The following HPSE2 variants were observed in gnomAD, a reference collection of about 807,000 sequenced individuals.
The protein encoded by HPSE2 is heparanase 2 (inactive), also known as inactive heparanase-2.
HPSE2 carries 38 observed loss-of-function variants against 60.5 expected under a neutral mutation model. The ratio of observed to expected loss-of-function variants is 0.63; its 90% CI spans 0.48 to 0.82. HPSE2 has a LOEUF of 0.82. Ranked by LOEUF, HPSE2 falls within the 40% of genes least tolerant of loss-of-function variation. HPSE2 has a pLI of 0.00. For synonymous variants in HPSE2, 295 were observed against 293.2 expected (o/e 1.01, Z -0.06); for missense variants, 713 against 740.4 (o/e 0.96, Z 0.43).
At chr10:98,841,808 A>ATTTTTT (rs373906376) in intron 3 of HPSE2, among the ~76,000 whole-genome samples, 1 of 143,278 alleles carries the variant, frequency 7.0e-6, no homozygotes, top group Non-Finnish European at 1.5e-5. Context: ...ATTCCTTGTA[A>ATTTTTT]TTTTTTTTTT....
chr10:98,576,923 T>C (rs4919244), intron 9 of HPSE2, among the ~76,000 whole-genome samples: 130,645 of 151,978 alleles, frequency 0.86, 56,419 homozygotes, highest in East Asian at 0.96. Context: ...AAGCTTATCA[T>C]GGTGAGTGCA....
chr10:98,865,630 T>G (rs1952568861), intron 3 of HPSE2, among the ~76,000 whole-genome samples: 1 of 151,988 alleles, frequency 6.6e-6, no homozygotes, highest in Non-Finnish European at 1.5e-5. Context: ...ACTCTAGACA[T>G]CTCCAGAAAG....
chr10:99,097,154 A>G (rs1259784705), intron 3 of HPSE2, among the ~76,000 whole-genome samples: 1 of 152,162 alleles, frequency 6.6e-6, no homozygotes, highest in Non-Finnish European at 1.5e-5. Flanking sequence ...TCACTCTACA[A>G]ACATACTTGA....
chr10:99,003,152 G>A (rs1458340792), intron 3 of HPSE2, among the ~76,000 whole-genome samples: 2 of 151,856 alleles, frequency 1.3e-5, no homozygotes, highest in African/African-American at 2.4e-5. Context: ...TGTCCTCCAT[G>A]TTCATCCATG....
intron 3 of HPSE2, among the ~76,000 whole-genome samples, chr10:98,947,667 A>T (rs1032376127): frequency 5.3e-5 from 8 of 152,154 alleles, no homozygotes; most frequent in African/African-American, 1.9e-4. Context: ...GTAGGAAGAG[A>T]CAGGCTAACT....
intron 5 of HPSE2, among the ~76,000 whole-genome samples, chr10:98,700,983 G>A (rs1214767733): frequency 4.6e-5 from 3 of 65,016 alleles, no homozygotes; most frequent in Admixed American, 1.9e-4. Context: ...TAAAAAGTCC[G>A]GAAACAACAG....
chr10:99,070,774 C>T (rs1842762587), intron 3 of HPSE2, among the ~76,000 whole-genome samples: 1 of 152,190 alleles, frequency 6.6e-6, no homozygotes, highest in Admixed American at 6.5e-5. Flanking sequence ...CTTTCTGTGA[C>T]TGGTTTATTT....
At chr10:98,944,315 C>CCAG (rs1310052819) in intron 3 of HPSE2, among the ~76,000 whole-genome samples, 1 of 152,100 alleles carries the variant, frequency 6.6e-6, no homozygotes, top group Non-Finnish European at 1.5e-5. Flanking sequence ...ATTTAAAAGA[C>CCAG]CAGCATTTCT....
At chr10:99,250,110 T>A in the HPSE2 span, among the ~76,000 whole-genome samples, 2 of 146,734 alleles carry the variant, frequency 1.4e-5, no homozygotes, top group Admixed American at 6.9e-5. Context: ...GCCACTGCAC[T>A]CTAGCCTGGG....
chr10:99,296,253 A>T, the HPSE2 span, among the ~76,000 whole-genome samples: 1 of 152,160 alleles, frequency 6.6e-6, no homozygotes, highest in Non-Finnish European at 1.5e-5. Flanking sequence ...GCTGGATATG[A>T]GATAGGAGGT....
intron 3 of HPSE2, among the ~76,000 whole-genome samples, chr10:98,920,081 G>A (rs905250010): frequency 6.6e-6 from 1 of 152,158 alleles, no homozygotes; most frequent in African/African-American, 2.4e-5. Flanking sequence ...TCACTCTGAG[G>A]TCATGCTCCC....
intron 11 of HPSE2, among the ~76,000 whole-genome samples, chr10:98,481,099 C>T (rs948119417): frequency 6.6e-6 from 1 of 152,188 alleles, no homozygotes; most frequent in African/African-American, 2.4e-5. Context: ...TGACACTGGG[C>T]AGGCTCAGCT....
chr10:99,124,261 T>C (rs1005426612), intron 3 of HPSE2, among the ~76,000 whole-genome samples: 1 of 152,142 alleles, frequency 6.6e-6, no homozygotes, highest in Admixed American at 6.5e-5. Flanking sequence ...TGTGTACTGA[T>C]TTGGTCCATG....
intron 3 of HPSE2, among the ~76,000 whole-genome samples, chr10:98,895,963 C>A (rs36168635): frequency 2.0e-5 from 3 of 146,940 alleles, no homozygotes; most frequent in African/African-American, 7.4e-5. Context: ...GAGGGATAGC[C>A]TTAGGAGATA....
intron 9 of HPSE2, among the ~76,000 whole-genome samples, chr10:98,530,196 T>C (rs1943087373): frequency 6.6e-6 from 1 of 151,950 alleles, no homozygotes; most frequent in African/African-American, 2.4e-5. Context: ...TGAGGTGGGG[T>C]GGGGTTTGCG....
chr10:98,838,711 C>T (rs1276122397), intron 3 of HPSE2, among the ~76,000 whole-genome samples: 5 of 152,020 alleles, frequency 3.3e-5, no homozygotes, highest in Non-Finnish European at 7.4e-5. Context: ...GGATTACAGG[C>T]GTAAGCCACT....
At position 98,688,483 on chromosome 10, in the gene HPSE2, T is replaced by TTC. The variant is rs200369821; in HGVS notation, c.1004+5416_1004+5417insGA. 1.4e-3 allele frequency among the ~76,000 whole-genome samples: 189 copies of TTC among 138,182 alleles called. 6 individuals are homozygous for TTC. Among genetic ancestry groups the TTC allele is most frequent in the African/African-American group, 4.8e-3 (180 of 37,224 alleles). The allele number at this position is 138,182 out of a possible 152,430, so 90.7% of individuals were successfully genotyped here. ...AGCATTTCTTTTTTTTTTTCTTTTT[T>TTC]TTTTTTTTTTGAGGCAGAATCTTGC... On this transcript the variant is annotated intron_variant, in intron 6 of 11. Coordinates refer to ENST00000370552, the MANE Select transcript of HPSE2 (RefSeq NM_021828.5).
intron 3 of HPSE2, among the ~76,000 whole-genome samples, chr10:98,958,750 C>T (rs916580740): frequency 1.3e-5 from 2 of 151,996 alleles, no homozygotes; most frequent in Admixed American, 1.3e-4. Context: ...ACTTATATGC[C>T]ACATGGGGTA....
At chr10:98,959,489 C>A (rs1488375117) in intron 3 of HPSE2, among the ~76,000 whole-genome samples, 3 of 151,890 alleles carry the variant, frequency 2.0e-5, no homozygotes, top group Non-Finnish European at 4.4e-5. Context: ...TCTTGACTGA[C>A]AGCATTTATC....
Sources: allele counts gnomAD v4.1 joint callset (sites outside exome capture counted in the v4.1 genomes callset), GRCh38; gene constraint gnomAD v4.1.1; transcripts MANE v1.5; gene names NCBI Gene and HGNC (gene_info 2026-07-23, HGNC 2026-07-21).